The following CD47 variants were observed in gnomAD, a reference collection of about 807,000 sequenced individuals.
CD47 encodes the protein leukocyte surface antigen CD47.
A neutral mutation model predicts 44.6 loss-of-function variants in CD47; 11 were observed. The ratio of observed to expected loss-of-function variants is 0.25; its 90% CI spans 0.16 to 0.41. The LOEUF is 0.41. Ranked by LOEUF, CD47 falls within the 10% of genes least tolerant of loss-of-function variation. CD47 has a pLI of 1.00. For synonymous variants in CD47, 140 were observed against 136.3 expected, an observed-to-expected ratio of 1.03 and a Z score of -0.19; for missense variants, 306 against 386.7, an observed-to-expected ratio of 0.79 and a Z score of 1.75.
intron 7 of CD47, chr3:108,055,635 T>C (rs558152205): frequency 1.4e-5 from 12 of 851,612 alleles, no homozygotes; most frequent in Non-Finnish European, 2.1e-5. Flanking sequence ...ACACTATCAA[T>C]AAAATTGCAC....
intron 1 of CD47, among the ~76,000 whole-genome samples, chr3:108,083,989 G>A (rs534659662): frequency 4.0e-5 from 6 of 148,990 alleles, no homozygotes; most frequent in South Asian, 2.1e-4. Context: ...TCTCCTCAAC[G>A]ACTTTCCTTA....
chr3:108,056,513 T>C (rs1306832267), intron 7 of CD47, among the ~76,000 whole-genome samples: 2 of 152,220 alleles, frequency 1.3e-5, no homozygotes, highest in African/African-American at 4.8e-5. Flanking sequence ...AGTTTCGTAT[T>C]AAGTTTTAGA....
chr3:108,051,905 T>C, intron 8 of CD47, 34 bp downstream of exon 8: 1 of 1,474,446 alleles, frequency 6.8e-7, no homozygotes, highest in Non-Finnish European at 9.5e-7. Context: ...CCTCAAATGA[T>C]CATTCACAAT....
In CD47 at chr3:108,065,811, CAAAAAAAAAAAAAAAA is replaced by C. The variant is rs58021560; in HGVS notation, c.491-4975_491-4960del. ...TGGGCAACAGAGCGAGACTCCGTCT[CAAAAAAAAAAAAAAAA>C]AAAAAAAAAAAAAAAAAGAATTCAC... On this transcript the variant is annotated intron_variant, in intron 3 of 10. Transcript: ENST00000361309. Among the ~76,000 whole-genome samples, 116 of 61,170 alleles carry C rather than the reference CAAAAAAAAAAAAAAAA, an allele frequency of 1.9e-3. 4 individuals carry two copies. The highest frequency in any genetic ancestry group is 6.9e-3 in the African/African-American group (105 of 15,156). 40.1% of individuals were successfully genotyped at this position (61,170 alleles called of 152,430 possible). A position where few individuals can be genotyped will look rare whatever the true frequency, so the allele number is the denominator to read the frequency against.
At chr3:108,074,186 G>A (rs962311743) in intron 2 of CD47, among the ~76,000 whole-genome samples, 5 of 152,214 alleles carry the variant, frequency 3.3e-5, no homozygotes, top group Admixed American at 1.3e-4. Context: ...GAAATAATTC[G>A]TAAATTAGAT....
chr3:108,047,763 C>T (rs2078745306), intron 10 of CD47, among the ~76,000 whole-genome samples: 1 of 152,322 alleles, frequency 6.6e-6, no homozygotes, highest in Admixed American at 6.5e-5. Context: ...AAGCAGTTGT[C>T]AGTGGGAAGT....
chr3:108,071,518 C>T (rs2079202564), intron 2 of CD47, among the ~76,000 whole-genome samples: 1 of 152,216 alleles, frequency 6.6e-6, no homozygotes, highest in African/African-American at 2.4e-5. Flanking sequence ...TAACTTAACA[C>T]TCTATGGAAC....
At chr3:108,052,666 A>T (rs2078848306) in intron 7 of CD47, 1 of 152,312 alleles carries the variant, frequency 6.6e-6, no homozygotes, top group East Asian at 1.9e-4. Context: ...AAAAAAACAA[A>T]TGAGAAGGCT....
At chr3:108,080,403 A>G in intron 1 of CD47, 59 bp from the exon 2 acceptor site, 1 of 848,200 alleles carries the variant, frequency 1.2e-6, no homozygotes, top group Non-Finnish European at 1.9e-6. Flanking sequence ...GTAAGATCTT[A>G]GGCATGTTAC....
chr3:108,083,817 C>A (rs570633307), intron 1 of CD47, among the ~76,000 whole-genome samples: 1 of 152,026 alleles, frequency 6.6e-6, no homozygotes, highest in Admixed American at 6.6e-5. Context: ...TTAATACAAA[C>A]TGAAACCTTC....
chr3:108,071,031 T>C (rs1315093546), intron 3 of CD47, 62 bp downstream of exon 3: 4 of 708,250 alleles, frequency 5.6e-6, no homozygotes, highest in African/African-American at 5.5e-5. Context: ...TCGCTGACAA[T>C]GTCTCGTAGA....
Position 108,045,039 on chromosome 3 carries a change from C to G in CD47, c.*2249G>C, listed in dbSNP as rs796659490. 1.4e-4 allele frequency: 21 copies of G among 152,730 alleles called. 2 individuals are homozygous for G. The highest frequency in any genetic ancestry group is 4.8e-4 in the African/African-American group (20 of 41,556). The allele number at this position is 152,730 out of a possible 1,614,324, so 9.5% of individuals were successfully genotyped here. A position where few individuals can be genotyped will look rare whatever the true frequency, so the allele number is the denominator to read the frequency against. On this transcript the variant is annotated 3_prime_UTR_variant, in exon 11 of 11. Transcript: ENST00000361309. ...CCAATGATGCCCAAGCAGGAGGACT[C>G]CTGCTTCTGTGGTCACTTATCCAGA...
chr3:108,060,680 C>A, intron 4 of CD47, 65 bp downstream of exon 4: 2 of 1,043,948 alleles, frequency 1.9e-6, no homozygotes, highest in South Asian at 1.3e-5. Flanking sequence ...ACTAATGCAG[C>A]CCTCCTCACC....
chr3:108,078,614 T>C (rs1017676587), intron 2 of CD47, among the ~76,000 whole-genome samples: 1 of 151,984 alleles, frequency 6.6e-6, no homozygotes, highest in Admixed American at 6.6e-5. Context: ...AAGGTATACT[T>C]AACAACAACA....
chr3:108,044,748 A>G lies in CD47; in HGVS notation c.*2540T>C, dbSNP rs2108211584. On this transcript the variant is annotated 3_prime_UTR_variant, in exon 11 of 11. Transcript: ENST00000361309. ...CACAGATGAAGAGGAACTGCAAAGG[A>G]GAATGTTTTGAAGGAGAAGACAAAT... is the stretch of plus-strand genomic sequence containing the variant. 6.6e-6 allele frequency: 1 copy of G among 152,364 alleles called. No homozygotes were observed. Among genetic ancestry groups the G allele is most frequent in the Middle Eastern group, 3.4e-3 (1 of 294 alleles). 9.4% of individuals were successfully genotyped at this position (152,364 alleles called of 1,614,324 possible). A position where few individuals can be genotyped will look rare whatever the true frequency, so the allele number is the denominator to read the frequency against.
intron 1 of CD47, 53 bp from the exon 2 acceptor site, chr3:108,080,397 G>T: frequency 1.1e-6 from 1 of 883,276 alleles, no homozygotes; most frequent in Non-Finnish European, 1.8e-6. Flanking sequence ...TGTACTGTAA[G>T]ATCTTAGGCA....
chr3:108,076,881 C>T (rs2079319998), intron 2 of CD47, among the ~76,000 whole-genome samples: 1 of 152,038 alleles, frequency 6.6e-6, no homozygotes, highest in Non-Finnish European at 1.5e-5. Flanking sequence ...ATGGTGATGC[C>T]ATCTTTACTG....
chr3:108,076,114 C>T (rs2079306108), intron 2 of CD47, among the ~76,000 whole-genome samples: 1 of 152,200 alleles, frequency 6.6e-6, no homozygotes. Flanking sequence ...TCTTTTAAGA[C>T]TTTGATCAGA....
intron 8 of CD47, chr3:108,050,959 A>G (rs914319518): frequency 3.9e-6 from 1 of 255,072 alleles, no homozygotes; most frequent in African/African-American, 2.3e-5. Flanking sequence ...GCAAAACAGA[A>G]TCATCTTTAA....
Sources: allele counts gnomAD v4.1 joint callset (sites outside exome capture counted in the v4.1 genomes callset), GRCh38; gene constraint gnomAD v4.1.1; transcripts MANE v1.5; gene names NCBI Gene and HGNC (gene_info 2026-07-23, HGNC 2026-07-21).